OSBPL6: variants seen among roughly 807,000 people sequenced by gnomAD.
The protein encoded by OSBPL6 is oxysterol-binding protein-related protein 6.
In OSBPL6, 49 loss-of-function variants were observed where a neutral mutation model predicts 125.8. The observed-to-expected ratio is 0.39, with a 90% CI of 0.31 to 0.49. OSBPL6 has a LOEUF of 0.49. OSBPL6 is among the 20% of genes least tolerant of loss of function. The pLI is 0.88. For synonymous variants in OSBPL6, 394 were observed against 391.8 expected, an observed-to-expected ratio of 1.01 and a Z score of -0.07; for missense variants, 986 against 1,135.4, an observed-to-expected ratio of 0.87 and a Z score of 1.89.
At chr2:178,223,471 T>C (rs1395926880) in intron 1 of OSBPL6, among the ~76,000 whole-genome samples, 1 of 152,246 alleles carries the variant, frequency 6.6e-6, no homozygotes, top group Admixed American at 6.5e-5. Context: ...AATGTATTGT[T>C]AGTTAAGTGG....
intron 13 of OSBPL6, among the ~76,000 whole-genome samples, chr2:178,371,554 C>T (rs985762957): frequency 6.6e-5 from 10 of 152,096 alleles, no homozygotes; most frequent in African/African-American, 2.2e-4. Context: ...TTTTTGTTTG[C>T]ACTTAAGTTA....
At chr2:178,361,856 C>T in intron 13 of OSBPL6, 41 bp downstream of exon 13, 2 of 1,608,266 alleles carry the variant, frequency 1.2e-6, no homozygotes, top group East Asian at 4.5e-5. Flanking sequence ...TGACACACTC[C>T]CAACCCTGTA....
chr2:178,312,561 T>C (rs1687385460), intron 3 of OSBPL6, among the ~76,000 whole-genome samples: 1 of 151,910 alleles, frequency 6.6e-6, no homozygotes. Context: ...GTTCAAGTAA[T>C]TCTGACACCT....
intron 3 of OSBPL6, among the ~76,000 whole-genome samples, chr2:178,319,736 A>T (rs916672817): frequency 1.6e-4 from 24 of 152,252 alleles, no homozygotes; most frequent in African/African-American, 5.3e-4. Context: ...TACTAGTACC[A>T]CTGAAATAGT....
At position 178,361,797 on chromosome 2, in the gene OSBPL6, C is replaced by T; in HGVS notation, c.1269C>T (p.Leu423=). The T allele has an allele frequency of 6.2e-7, 1 of 1,614,062 alleles. No homozygotes were observed. Among genetic ancestry groups the T allele is most frequent in the Non-Finnish European group, 8.5e-7 (1 of 1,179,984 alleles). ...GCCACAGCACGCAGATGGCACGGCTCCGACAGTCACTGTCTCAGGTAGGCA... is the reference window on the plus strand; with the variant it reads ...GCCACAGCACGCAGATGGCACGGCTTCGACAGTCACTGTCTCAGGTAGGCA... ...SKGHSTQMAR[L]RQSLSQALNQ... is the part of the protein sequence containing the mutation. Residue 423 remains leucine (L), a synonymous_variant, in exon 13 of 25, where the codon CTC becomes CTT. Coordinates refer to ENST00000190611, the MANE Select transcript of OSBPL6 (RefSeq NM_032523.4).
intron 3 of OSBPL6, among the ~76,000 whole-genome samples, chr2:178,318,043 A>G (rs1687920019): frequency 6.6e-6 from 1 of 152,178 alleles, no homozygotes; most frequent in African/African-American, 2.4e-5. Flanking sequence ...GAGTGTTATG[A>G]GTACAGAATA....
At chr2:178,226,156 G>A (rs1034685551) in intron 1 of OSBPL6, among the ~76,000 whole-genome samples, 5 of 152,202 alleles carry the variant, frequency 3.3e-5, no homozygotes, top group African/African-American at 1.2e-4. Flanking sequence ...GTGACAGCCT[G>A]GGTAGGGGTG....
At chr2:178,217,904 G>C (rs543781655) in intron 1 of OSBPL6, among the ~76,000 whole-genome samples, 1 of 152,114 alleles carries the variant, frequency 6.6e-6, no homozygotes, top group Non-Finnish European at 1.5e-5. Context: ...ATTTGGGGCT[G>C]GTTTTCATGA....
intron 13 of OSBPL6, 135 bp from the exon 14 acceptor site, chr2:178,371,991 C>G (rs2154105530): frequency 1.8e-6 from 1 of 562,590 alleles, no homozygotes; most frequent in East Asian, 3.1e-5. Context: ...CTGGTAGGGT[C>G]TGGCTCATGA....
At chr2:178,283,412 G>A (rs1044061422) in intron 1 of OSBPL6, among the ~76,000 whole-genome samples, 3 of 151,868 alleles carry the variant, frequency 2.0e-5, no homozygotes, top group African/African-American at 7.3e-5. Context: ...AACTAAAACA[G>A]AGTGAAAGGA....
intron 8 of OSBPL6, among the ~76,000 whole-genome samples, chr2:178,334,219 C>T (rs16866260): frequency 0.05 from 7,561 of 152,284 alleles, 241 homozygotes; most frequent in South Asian, 0.15. Context: ...TCCGCCTTCA[C>T]ATTTGGCACC....
At chr2:178,360,601 A>T (rs913452019) in intron 12 of OSBPL6, among the ~76,000 whole-genome samples, 2 of 152,242 alleles carry the variant, frequency 1.3e-5, no homozygotes, top group Non-Finnish European at 2.9e-5. Context: ...CATTGAAACT[A>T]CATATTTTCA....
At chr2:178,208,508 T>C (rs189630831) in intron 1 of OSBPL6, among the ~76,000 whole-genome samples, 62 of 152,260 alleles carry the variant, frequency 4.1e-4, no homozygotes, top group Middle Eastern at 3.4e-3. Context: ...TTCAAAATAC[T>C]TATTTGCTTA....
chr2:178,331,955 T>C (rs1421635827), intron 6 of OSBPL6, among the ~76,000 whole-genome samples: 1 of 152,244 alleles, frequency 6.6e-6, no homozygotes, highest in Non-Finnish European at 1.5e-5. Context: ...CAATGTCCTT[T>C]TAAAAACTAT....
chr2:178,194,731 G>A (rs1015895874), intron 1 of OSBPL6, 57 bp downstream of exon 1: 2 of 152,254 alleles, frequency 1.3e-5, no homozygotes, highest in Admixed American at 6.5e-5. Flanking sequence ...TGCCCGCATC[G>A]CGGCCCGGGG....
rs1695673587 is a variant in OSBPL6 at position 178,394,393 on chromosome 2, A to G, written c.2654A>G (p.Tyr885Cys). 2 of 1,613,194 alleles carry G rather than the reference A, an allele frequency of 1.2e-6. No individual in the cohort carries two copies. Among genetic ancestry groups the G allele is most frequent in the Non-Finnish European group, 8.5e-7 (1 of 1,179,546 alleles). ...GAACTCCAGAGATCTCGGAGACGAT[A>G]TATGGAAGAAAACAATCTTGAACAT... The part of the protein sequence containing the change: ...VEELQRSRRR[Y>C]MEENNLEHIP... Residue 885 changes from tyrosine to cysteine, a missense_variant, in exon 24 of 25, where the codon TAT becomes TGT. Around this residue, in one of 3 missense-constraint regions of OSBPL6, gnomAD observed 843 missense variants for 997.3 expected, o/e 0.85. Transcript: ENST00000190611.
rs867365048 is a variant in OSBPL6 at position 178,287,070 on chromosome 2, A to G, written c.-156+1949A>G. On this transcript the variant is annotated intron_variant, in intron 2 of 24. Transcript: ENST00000190611. ...TTCAAATCATAGGGTCCTTATAGGC[A>G]TAGCATTTCTGTGCCTGCATTAGCT... Among the ~76,000 whole-genome samples the G allele has an allele frequency of 2.6e-5, 4 of 152,092 alleles. No individual in the cohort carries two copies. In the Middle Eastern group the frequency reaches 0.01, roughly 388 times the overall value.
intron 12 of OSBPL6, among the ~76,000 whole-genome samples, chr2:178,352,074 C>G (rs999059470): frequency 8.5e-5 from 13 of 152,140 alleles, no homozygotes; most frequent in Admixed American, 3.3e-4. Flanking sequence ...GGCACTCTTC[C>G]AAGATATAGG....
intron 3 of OSBPL6, 36 bp from the exon 4 acceptor site, chr2:178,324,141 T>C (rs1688490933): frequency 7.5e-7 from 1 of 1,328,872 alleles, no homozygotes; most frequent in Non-Finnish European, 1.0e-6. Context: ...AAAAGTGAGT[T>C]GTCTAACCCT....
Sources: allele counts gnomAD v4.1 joint callset (sites outside exome capture counted in the v4.1 genomes callset), GRCh38; gene constraint gnomAD v4.1.1; regional missense constraint gnomAD v4.1.1; transcripts MANE v1.5; gene names NCBI Gene and HGNC (gene_info 2026-07-23, HGNC 2026-07-21).